ZXDC: variants seen among roughly 807,000 people sequenced by gnomAD.
ZXDC encodes the protein ZXD family zinc finger C.
In ZXDC, 58 loss-of-function variants were observed where a neutral mutation model predicts 63.6. That is an observed-to-expected ratio of 0.91 (90% CI 0.74 to 1.13). The LOEUF is 1.13. Among genes scored for constraint, ZXDC ranks in the 50% most tolerant of loss-of-function variants. The pLI, the probability that ZXDC is intolerant of heterozygous loss-of-function variation, is 0.00. For synonymous variants in ZXDC, 561 were observed against 496.1 expected, an observed-to-expected ratio of 1.13 and a Z score of -1.74; for missense variants, 1,133 against 1,148.9, an observed-to-expected ratio of 0.99 and a Z score of 0.20.
intron 4 of ZXDC, among the ~76,000 whole-genome samples, chr3:126,466,539 T>TA (rs1934775956): frequency 6.6e-6 from 1 of 152,210 alleles, no homozygotes; most frequent in South Asian, 2.1e-4. Flanking sequence ...GTGAAACCCG[T>TA]AGGGAGATTT....
intron 7 of ZXDC, among the ~76,000 whole-genome samples, chr3:126,449,110 A>G (rs1933995352): frequency 6.6e-6 from 1 of 152,188 alleles, no homozygotes; most frequent in African/African-American, 2.4e-5. Context: ...AGCAGCTCTG[A>G]AACCACATAC....
chr3:126,474,960 G>A lies in ZXDC; in HGVS notation c.906C>T (p.Pro302=), dbSNP rs778355055. The A allele has an allele frequency of 1.1e-5, 17 of 1,568,892 alleles. No individual in the cohort carries two copies. The highest frequency in any genetic ancestry group is 2.7e-5 in the African/African-American group (2 of 74,292). The change falls in exon 1 of 10, where the codon CCC becomes CCT. Residue 302 remains proline, a splice_region_variant and synonymous_variant. Transcript: ENST00000389709. ...EPERPYKCDF[P]GCEKTFITVS... ...GCCCGCCCCCGAGAGCGCGGTTACC[G>A]GGAAAGTCACACTTGTAAGGGCGCT...
In ZXDC at chr3:126,439,992, C is replaced by T. The variant is rs115604797; in HGVS notation, c.2395-265G>A. The stretch of plus-strand genomic sequence containing the variant: ...CTGCTCTCCAGCTCCTCCCCTCAGT[C>T]AGCCCAAATACTGATTTCCCTCCTA... On this transcript the variant is annotated intron_variant, in intron 8 of 9. Coordinates refer to ENST00000389709, the MANE Select transcript of ZXDC (RefSeq NM_025112.5). 3.2e-3 allele frequency: 4,395 copies of T among 1,356,596 alleles called. 108 individuals are homozygous for T. In the African/African-American group the frequency reaches 0.051, roughly 16 times the overall value. The allele number at this position is 1,356,596 out of a possible 1,614,324, so 84.0% of individuals were successfully genotyped here. A position where few individuals can be genotyped will look rare whatever the true frequency, so the allele number is the denominator to read the frequency against.
chr3:126,467,560 T>C (rs1319227617), intron 4 of ZXDC, among the ~76,000 whole-genome samples: 1 of 152,236 alleles, frequency 6.6e-6, no homozygotes, highest in East Asian at 1.9e-4. Context: ...GAAGATAGGA[T>C]ACGGCCAGAT....
chr3:126,453,724 C>T (rs1467048093), intron 7 of ZXDC: 4 of 982,594 alleles, frequency 4.1e-6, no homozygotes, highest in Non-Finnish European at 2.4e-6. Context: ...GAAGGAGTTT[C>T]GCTCTTGTTG....
intron 7 of ZXDC, chr3:126,453,660 T>A (rs1315631179): frequency 1.0e-6 from 1 of 985,288 alleles, no homozygotes; most frequent in Non-Finnish European, 1.2e-6. Context: ...ACACATGGCC[T>A]ATCCATTTTC....
rs1426616682 is a variant in ZXDC, at chr3:126,470,891, C to T, written c.1270+4G>A. 6.2e-7 allele frequency: 1 copy of T among 1,614,008 alleles called. No individual in the cohort carries two copies. The highest frequency in any genetic ancestry group is 8.5e-7 in the Non-Finnish European group (1 of 1,179,908). On this transcript the variant is annotated splice_donor_region_variant and intron_variant, in intron 4 of 9. Transcript: ENST00000389709. ...ACTGCTCAAAGCAATGTTTTAAAAT[C>T]TACCTTCCACAGGACACTCGAACGG...
intron 7 of ZXDC, among the ~76,000 whole-genome samples, chr3:126,448,884 C>T (rs1481804949): frequency 6.6e-6 from 1 of 152,240 alleles, no homozygotes; most frequent in African/African-American, 2.4e-5. Flanking sequence ...TGAGAGGAGC[C>T]TGGGTCAGTG....
chr3:126,453,440 T>A, intron 7 of ZXDC: 1 of 985,470 alleles, frequency 1.0e-6, no homozygotes, highest in Middle Eastern at 5.2e-4. Context: ...TAGGAAGACA[T>A]CTGAGGCACA....
At chr3:126,467,470 G>A (rs1459702238) in intron 4 of ZXDC, among the ~76,000 whole-genome samples, 1 of 152,176 alleles carries the variant, frequency 6.6e-6, no homozygotes, top group East Asian at 1.9e-4. Context: ...CGACGCACTC[G>A]CGGCACCTTC....
chr3:126,466,194 T>C lies in ZXDC; in HGVS notation c.1402A>G (p.Met468Val), dbSNP rs755112287. Residue 468 changes from methionine to valine, a missense_variant, in exon 5 of 10, where the codon ATG becomes GTG. Transcript: ENST00000389709. ...TGCTGTCTGACCATGTGCGCCTTCA[T>C]GCTGTGCTTGGAGGTGAAGAGTCTG... is the stretch of plus-strand genomic sequence containing the variant. The part of the protein sequence containing the change: ...CNRLFTSKHS[M>V]KAHMVRQHSR... The C allele has an allele frequency of 2.3e-5, 37 of 1,614,116 alleles. No individual in the cohort carries two copies. The highest frequency in any genetic ancestry group is 3.0e-5 in the Non-Finnish European group (35 of 1,180,052).
In ZXDC at chr3:126,475,888, G is replaced by T; in HGVS notation, c.-23C>A. The T allele has an allele frequency of 9.3e-7, 1 of 1,073,508 alleles. No individual in the cohort carries two copies. The highest frequency in any genetic ancestry group is 4.4e-5 in the South Asian group (1 of 22,788). 66.5% of individuals were successfully genotyped at this position (1,073,508 alleles called of 1,614,324 possible). On this transcript the variant is annotated 5_prime_UTR_variant, in exon 1 of 10. Transcript: ENST00000389709. ...CATCTTGGTCCCAGCGACGGCGTCG[G>T]AGCAGCTTCGGACGCAGAGCTGCCC...
rs543012898 is a variant in ZXDC at position 126,449,816 on chromosome 3, T to A, written c.2213-7870A>T. 3.3e-5 allele frequency among the ~76,000 whole-genome samples: 5 copies of A among 152,264 alleles called. No individual in the cohort carries two copies. In the East Asian group the frequency reaches 5.8e-4, roughly 18 times the overall value. On this transcript the variant is annotated intron_variant, in intron 7 of 9. Transcript: ENST00000389709. Reference sequence around the variant, plus strand: ...ACCTGCAGAGGCCAGGTGTCTGCCATGCAGACTGAAAGGGAGCCGGGGCTG... The same window carrying A: ...ACCTGCAGAGGCCAGGTGTCTGCCAAGCAGACTGAAAGGGAGCCGGGGCTG...
chr3:126,442,028 A>T, intron 7 of ZXDC, 82 bp from the exon 8 acceptor site: 2 of 1,396,438 alleles, frequency 1.4e-6, no homozygotes, highest in Non-Finnish European at 1.9e-6. Context: ...CACTATGGGG[A>T]AGACAGCCTT....
At chr3:126,471,102 C>T in intron 3 of ZXDC, 77 bp from the exon 4 acceptor site, 1 of 1,532,832 alleles carries the variant, frequency 6.5e-7, no homozygotes. Context: ...ACAAAACATA[C>T]CAAAACACAA....
At chr3:126,459,174 G>T in intron 7 of ZXDC, 4 of 985,428 alleles carry the variant, frequency 4.1e-6, no homozygotes, top group East Asian at 1.1e-4. Context: ...CTTTAAAAAT[G>T]CAAGTAAGTT....
At chr3:126,446,178 T>C (rs562265394) in intron 7 of ZXDC, among the ~76,000 whole-genome samples, 9 of 152,368 alleles carry the variant, frequency 5.9e-5, no homozygotes, top group Admixed American at 1.3e-4. Context: ...TTATCCAAAA[T>C]GCTTGCTTGT....
At chr3:126,463,586 C>T (rs940860747) in intron 5 of ZXDC, among the ~76,000 whole-genome samples, 1 of 152,324 alleles carries the variant, frequency 6.6e-6, no homozygotes, top group South Asian at 2.1e-4. Flanking sequence ...ATGCTTCAAG[C>T]ATCAAGCAAA....
rs1933705775 is a variant in ZXDC, at chr3:126,442,102, T to G, written c.2213-156A>C. On this transcript the variant is annotated intron_variant, in intron 7 of 9. Coordinates refer to ENST00000389709, the MANE Select transcript of ZXDC (RefSeq NM_025112.5). Reference sequence around the variant, plus strand: ...ATCACTTAACAGAAAAAATCAAGAGTTAAGAGGTTGAAACAAACAACCATA... The same window carrying G: ...ATCACTTAACAGAAAAAATCAAGAGGTAAGAGGTTGAAACAAACAACCATA... The G allele has an allele frequency of 1.2e-5, 10 of 847,878 alleles. No homozygotes were observed. In the South Asian group the frequency reaches 3.7e-4, roughly 31 times the overall value. The allele number at this position is 847,878 out of a possible 1,614,324, so 52.5% of individuals were successfully genotyped here. A position where few individuals can be genotyped will look rare whatever the true frequency, so the allele number is the denominator to read the frequency against.
Sources: gnomAD v4.1 joint callset for allele counts (sites outside exome capture counted in the v4.1 genomes callset) on GRCh38, gnomAD v4.1.1 for gene constraint, MANE v1.5 for transcripts, NCBI Gene and HGNC (gene_info 2026-07-23, HGNC 2026-07-21) for gene names.